The following SENP6 variants were observed in gnomAD, a reference collection of about 807,000 sequenced individuals.
SENP6 encodes SUMO specific peptidase 6, also known as sentrin-specific protease 6.
Under a neutral mutation model 134.5 loss-of-function variants are expected in SENP6, and 41 were observed. The observed-to-expected ratio is 0.30, with a 90% CI of 0.24 to 0.40. The LOEUF is 0.40. Among genes scored for constraint, SENP6 ranks in the 10% least tolerant of loss-of-function variants. The probability of loss-of-function intolerance (pLI) is 1.00; values close to 1 mark genes in which losing one functional copy is unlikely to be tolerated. For synonymous variants in SENP6, 395 were observed against 429.8 expected (o/e 0.92, Z 1.00); for missense variants, 1,248 against 1,312.5 (o/e 0.95, Z 0.76).
chr6:75,603,295 G>C (rs952280634), intron 1 of SENP6, among the ~76,000 whole-genome samples: 1 of 152,078 alleles, frequency 6.6e-6, no homozygotes, highest in Non-Finnish European at 1.5e-5. Flanking sequence ...GTTTTTGTTG[G>C]GGAAGGTGGT....
intron 1 of SENP6, among the ~76,000 whole-genome samples, chr6:75,620,150 G>C (rs1466218537): frequency 2.6e-5 from 4 of 151,650 alleles, no homozygotes; most frequent in Non-Finnish European, 5.9e-5. Flanking sequence ...ATCTCATTAT[G>C]GTTTTGATTT....
intron 3 of SENP6, among the ~76,000 whole-genome samples, chr6:75,633,093 CTGATATGTTTATATT>C: frequency 6.6e-6 from 1 of 152,098 alleles, no homozygotes; most frequent in East Asian, 1.9e-4. Context: ...GTGATTGTTA[CTGATATGTTTATATT>C]ATTATTTGCA....
rs72654706 is a variant in SENP6 at position 75,602,930 on chromosome 6, A to G, written c.52+354A>G. 0.011 allele frequency among the ~76,000 whole-genome samples: 1,610 copies of G among 152,302 alleles called. 58 individuals are homozygous for G. In the East Asian group the frequency reaches 0.14, roughly 13 times the overall value. On this transcript the variant is annotated intron_variant, in intron 1 of 23. Transcript: ENST00000447266. ...AGCATTCACATCTTGTCTGGTGTTC[A>G]TGAAAAGTTTCAAATTGCTAAGGTT...
At chr6:75,685,644 A>C (rs1021798110) in intron 16 of SENP6, among the ~76,000 whole-genome samples, 1 of 152,102 alleles carries the variant, frequency 6.6e-6, no homozygotes, top group Non-Finnish European at 1.5e-5. Flanking sequence ...TTCTGTCTTC[A>C]TTTCGTTATT....
At chr6:75,665,756 G>A (rs189632385) in intron 9 of SENP6, among the ~76,000 whole-genome samples, 169 of 152,258 alleles carry the variant, frequency 1.1e-3, no homozygotes, top group African/African-American at 3.9e-3. Flanking sequence ...GCCAGGTGCG[G>A]TGGCTCACGC....
intron 16 of SENP6, among the ~76,000 whole-genome samples, chr6:75,685,514 G>A (rs1773770608): frequency 6.6e-6 from 1 of 151,958 alleles, no homozygotes; most frequent in South Asian, 2.1e-4. Context: ...TTCTCTTGTG[G>A]GCATTTAGTG....
intron 21 of SENP6, among the ~76,000 whole-genome samples, chr6:75,712,400 C>T (rs1035927711): frequency 1.3e-5 from 2 of 152,016 alleles, no homozygotes; most frequent in African/African-American, 2.4e-5. Context: ...AGATCACTTC[C>T]AGACACAGTG....
chr6:75,703,283 CAATCTCCAACA>C (rs1337883406), intron 19 of SENP6, among the ~76,000 whole-genome samples: 1 of 151,580 alleles, frequency 6.6e-6, no homozygotes. Flanking sequence ...TAGCGAGACC[CAATCTCCAACA>C]AAAAAAAATA....
chr6:75,631,571 T>A (rs920823764), intron 3 of SENP6, among the ~76,000 whole-genome samples: 6 of 152,180 alleles, frequency 3.9e-5, no homozygotes, highest in African/African-American at 1.4e-4. Flanking sequence ...ATCAAATGAA[T>A]TCTATTTCAT....
chr6:75,629,539 A>G (rs1238250501), intron 3 of SENP6, among the ~76,000 whole-genome samples: 1 of 152,172 alleles, frequency 6.6e-6, no homozygotes, highest in African/African-American at 2.4e-5. Context: ...ACCTCAGGTG[A>G]TCCGCCCACC....
chr6:75,707,962 G>C (rs562608500), intron 19 of SENP6, among the ~76,000 whole-genome samples: 5 of 152,292 alleles, frequency 3.3e-5, no homozygotes, highest in African/African-American at 7.2e-5. Context: ...GAGGATTACA[G>C]GTGCTAGGCC....
chr6:75,652,149 C>T (rs529492928), intron 7 of SENP6, among the ~76,000 whole-genome samples: 263 of 152,042 alleles, frequency 1.7e-3, no homozygotes, highest in Non-Finnish European at 3.1e-3. Context: ...TGTCCTCCAA[C>T]CTGGGCAACA....
At position 75,703,082 on chromosome 6, in the gene SENP6, T is replaced by G. The variant is rs760129247; in HGVS notation, c.2716+10T>G. On this transcript the variant is annotated intron_variant, in intron 19 of 23. Transcript: ENST00000447266. ...TCCACACATCATACAGGTATGTATCTAAATGTTTTGAAAGAATGAAAAAAT... is the reference window on the plus strand; with the variant it reads ...TCCACACATCATACAGGTATGTATCGAAATGTTTTGAAAGAATGAAAAAAT... 5.8e-6 allele frequency: 9 copies of G among 1,542,042 alleles called. No individual in the cohort carries two copies. In the Admixed American group the frequency reaches 1.9e-4, roughly 33 times the overall value.
chr6:75,624,810 G>C (rs1768542221), intron 3 of SENP6, among the ~76,000 whole-genome samples: 1 of 151,878 alleles, frequency 6.6e-6, no homozygotes, highest in African/African-American at 2.4e-5. Flanking sequence ...ATCTTATTAA[G>C]ATAGCATGAT....
chr6:75,696,972 T>C (rs1774704787), intron 17 of SENP6, among the ~76,000 whole-genome samples: 1 of 152,226 alleles, frequency 6.6e-6, no homozygotes, highest in South Asian at 2.1e-4. Context: ...CAATTCCTAA[T>C]GTTGCATCTT....
intron 7 of SENP6, among the ~76,000 whole-genome samples, chr6:75,652,174 C>G (rs9352233): frequency 1.3e-5 from 2 of 151,476 alleles, no homozygotes; most frequent in Non-Finnish European, 2.9e-5. Context: ...GAGACCATAT[C>G]TCAGAAAAAT....
chr6:75,644,881 G>T (rs1770315044), intron 6 of SENP6, among the ~76,000 whole-genome samples: 1 of 152,184 alleles, frequency 6.6e-6, no homozygotes, highest in African/African-American at 2.4e-5. Flanking sequence ...TGACATTAGG[G>T]TAAGAGATAT....
At chr6:75,617,731 C>T (rs973186847) in intron 1 of SENP6, among the ~76,000 whole-genome samples, 3 of 152,146 alleles carry the variant, frequency 2.0e-5, no homozygotes, top group African/African-American at 7.2e-5. Flanking sequence ...TGGATTTAAC[C>T]AGTAATTCCA....
At chr6:75,616,486 C>T (rs542951295) in intron 1 of SENP6, among the ~76,000 whole-genome samples, 4 of 152,218 alleles carry the variant, frequency 2.6e-5, no homozygotes, top group Admixed American at 6.5e-5. Context: ...TGGTGGCACA[C>T]GCCTGTAATC....
Sources: allele counts gnomAD v4.1 joint callset (sites outside exome capture counted in the v4.1 genomes callset), GRCh38; gene constraint gnomAD v4.1.1; transcripts MANE v1.5; gene names NCBI Gene and HGNC (gene_info 2026-07-23, HGNC 2026-07-21).